Variants in ACLY observed in about 807,000 individuals in gnomAD.
ACLY encodes the protein ATP citrate lyase, also known as ATP-citrate synthase.
ACLY carries 41 observed loss-of-function variants against 133.0 expected under a neutral mutation model. The observed-to-expected ratio is 0.31, with a 90% confidence interval of 0.24 to 0.40. ACLY has a LOEUF of 0.40. Ranked by LOEUF, ACLY falls within the 10% of genes least tolerant of loss-of-function variation. The probability of loss-of-function intolerance (pLI) is 1.00; values close to 1 mark genes in which losing one functional copy is unlikely to be tolerated. For synonymous variants in ACLY, 495 were observed against 549.3 expected (o/e 0.90, Z 1.38); for missense variants, 1,046 against 1,453.8 (o/e 0.72, Z 4.56).
intron 1 of ACLY, among the ~76,000 whole-genome samples, chr17:41,929,478 A>G (rs1426629243): frequency 6.6e-6 from 1 of 151,998 alleles, no homozygotes; most frequent in African/African-American, 2.4e-5. Context: ...TCTCTAACCC[A>G]TCCCAGACCC....
At chr17:41,900,682 A>AC (rs367706618) in intron 11 of ACLY, among the ~76,000 whole-genome samples, 48 of 151,970 alleles carry the variant, frequency 3.2e-4, no homozygotes, top group African/African-American at 1.2e-3. Flanking sequence ...CTATGATGGT[A>AC]CCACTGCACT....
At chr17:41,876,501 T>C (rs1555626212) in intron 22 of ACLY, among the ~76,000 whole-genome samples, 1 of 152,160 alleles carries the variant, frequency 6.6e-6, no homozygotes, top group Non-Finnish European at 1.5e-5. Context: ...GATTGAGAAA[T>C]TGGATGGTTG....
intron 25 of ACLY, chr17:41,870,205 G>A (rs1417279342): frequency 2.6e-5 from 4 of 152,604 alleles, no homozygotes; most frequent in African/African-American, 9.6e-5. Context: ...AGCTCAAAGA[G>A]TGAATGAGTG....
Position 41,918,874 on chromosome 17 carries a change from G to C in ACLY, c.-24+6C>G. The C allele has an allele frequency of 7.8e-7, 1 of 1,288,306 alleles. No individual in the cohort carries two copies. The allele number at this position is 1,288,306 out of a possible 1,614,324, so 79.8% of individuals were successfully genotyped here. On this transcript the variant is annotated splice_donor_region_variant and intron_variant, in intron 1 of 28. Transcript: ENST00000352035. ...CCAGCCAGCGAAAACAGCCTCCCGT[G>C]CTCACCTCTGCCGAAGTCCGTGCGC... is the stretch of plus-strand genomic sequence containing the variant.
chr17:41,919,953 T>C (rs1422908940), upstream of ACLY, among the ~76,000 whole-genome samples: 1 of 152,124 alleles, frequency 6.6e-6, no homozygotes, highest in Non-Finnish European at 1.5e-5. Context: ...CCCAACCCTG[T>C]AGGTCCGGAG....
chr17:41,873,345 A>G (rs888065970), intron 23 of ACLY, among the ~76,000 whole-genome samples: 1 of 151,784 alleles, frequency 6.6e-6, no homozygotes, highest in African/African-American at 2.4e-5. Flanking sequence ...ATGCCTGGCT[A>G]CCTTTTTGTA....
chr17:41,887,940 C>T (rs370684569), intron 16 of ACLY, among the ~76,000 whole-genome samples: 2,528 of 152,090 alleles, frequency 0.017, 80 homozygotes, highest in African/African-American at 0.058. Context: ...CCAGCCTGGC[C>T]AACGTAGCAA....
intron 11 of ACLY, among the ~76,000 whole-genome samples, chr17:41,900,787 C>G (rs1204762906): frequency 6.6e-6 from 1 of 152,102 alleles, no homozygotes; most frequent in Admixed American, 6.6e-5. Context: ...TGCCTGCTGT[C>G]TCACAGTGAT....
intron 22 of ACLY, among the ~76,000 whole-genome samples, chr17:41,875,845 G>A (rs1419904715): frequency 6.6e-6 from 1 of 152,160 alleles, no homozygotes; most frequent in Non-Finnish European, 1.5e-5. Context: ...CGAGATTGCA[G>A]CCTCTGCCCG....
intron 24 of ACLY, 95 bp downstream of exon 24, chr17:41,871,937 C>T: frequency 1.3e-6 from 2 of 1,592,752 alleles, no homozygotes; most frequent in Admixed American, 1.7e-5. Flanking sequence ...GGGTTTTACA[C>T]TCAGGGGCTC....
intron 6 of ACLY, among the ~76,000 whole-genome samples, chr17:41,907,935 T>C (rs1275141565): frequency 6.6e-6 from 1 of 152,042 alleles, no homozygotes; most frequent in Non-Finnish European, 1.5e-5. Flanking sequence ...AAGGTACATG[T>C]TGCTGACAGA....
intron 1 of ACLY, among the ~76,000 whole-genome samples, chr17:41,915,821 G>C (rs1567916246): frequency 6.6e-6 from 1 of 152,072 alleles, no homozygotes. Context: ...TCCAAAGAGA[G>C]TGCAGCCCAG....
chr17:41,929,865 C>CGT (rs34705137), intron 1 of ACLY, among the ~76,000 whole-genome samples: 18,020 of 149,986 alleles, frequency 0.12, 1,123 homozygotes, highest in Non-Finnish European at 0.13. Flanking sequence ...ACATGTATGC[C>CGT]GTGTGTGTGT....
At chr17:41,917,402 G>A (rs1309160973) in intron 1 of ACLY, among the ~76,000 whole-genome samples, 5 of 152,082 alleles carry the variant, frequency 3.3e-5, no homozygotes, top group Admixed American at 2.6e-4. Context: ...CTAAGGGAGG[G>A]GCCTTATGAG....
At chr17:41,907,853 C>T (rs542481541) in intron 6 of ACLY, among the ~76,000 whole-genome samples, 6 of 152,196 alleles carry the variant, frequency 3.9e-5, no homozygotes, top group African/African-American at 1.4e-4. Flanking sequence ...CTTTACAAAA[C>T]GCTACACTCC....
At chr17:41,897,657 G>C in intron 13 of ACLY, 92 bp downstream of exon 13, 1 of 1,259,312 alleles carries the variant, frequency 7.9e-7, no homozygotes, top group African/African-American at 1.5e-5. Context: ...ATCTGCCTCT[G>C]CCAGCCCAGG....
chr17:41,887,199 G>A (rs2049076144), intron 17 of ACLY, among the ~76,000 whole-genome samples: 1 of 150,322 alleles, frequency 6.7e-6, no homozygotes, highest in Non-Finnish European at 1.5e-5. Flanking sequence ...AGCACTTTGG[G>A]AGGCCGAGGT....
intron 14 of ACLY, among the ~76,000 whole-genome samples, chr17:41,895,251 G>A (rs1555630118): frequency 1.3e-5 from 2 of 152,160 alleles, no homozygotes; most frequent in East Asian, 3.9e-4. Context: ...CCATCCTCAG[G>A]GGAAGCCTGC....
At chr17:41,888,000 C>T (rs924217381) in intron 16 of ACLY, among the ~76,000 whole-genome samples, 7 of 151,788 alleles carry the variant, frequency 4.6e-5, no homozygotes, top group Admixed American at 6.6e-5. Flanking sequence ...TGGTGGTGCG[C>T]GCCTATAATC....
Sources: gnomAD v4.1 joint callset for allele counts (sites outside exome capture counted in the v4.1 genomes callset) on GRCh38, gnomAD v4.1.1 for gene constraint, MANE v1.5 for transcripts, NCBI Gene and HGNC (gene_info 2026-07-23, HGNC 2026-07-21) for gene names.